PTPRN2: variants seen among roughly 807,000 people sequenced by gnomAD.
The protein encoded by PTPRN2 is protein tyrosine phosphatase receptor type N2.
A neutral mutation model predicts 118.8 loss-of-function variants in PTPRN2; 74 were observed. The ratio of observed to expected loss-of-function variants is 0.62; its 90% CI spans 0.52 to 0.76. PTPRN2 has a LOEUF of 0.76. Among genes scored for constraint, PTPRN2 ranks in the 30% least tolerant of loss-of-function variants. The pLI is 0.00. For missense variants in PTPRN2, 1,481 were observed against 1,394.4 expected (o/e 1.06, Z -0.99); for synonymous variants, 641 against 608.0 (o/e 1.05, Z -0.80).
In PTPRN2 at chr7:158,519,977, C is replaced by T. The variant is rs77948947; in HGVS notation, c.113-30192G>A. ...TGCAATGACTACTCTGCCAAACACA[C>T]AAGTTCTGAACAGGACATGTGCCAT... On this transcript the variant is annotated intron_variant, in intron 1 of 22. Transcript: ENST00000389418. Among the ~76,000 whole-genome samples, 2,307 of 152,352 alleles carry T rather than the reference C, an allele frequency of 0.015. 149 individuals are homozygous for T. The East Asian group carries it at 0.17, about 11-fold the overall frequency.
At chr7:158,468,575 G>GT (rs931763150) in intron 2 of PTPRN2, among the ~76,000 whole-genome samples, 3 of 152,102 alleles carry the variant, frequency 2.0e-5, no homozygotes, top group African/African-American at 7.2e-5. Context: ...GTTTCCAGGT[G>GT]TTACCACCGG....
intron 3 of PTPRN2, among the ~76,000 whole-genome samples, chr7:158,289,157 T>C (rs897117639): frequency 6.6e-6 from 1 of 152,232 alleles, no homozygotes; most frequent in Non-Finnish European, 1.5e-5. Flanking sequence ...ATAGTCTTAT[T>C]TGGATTCAAT....
intron 21 of PTPRN2, among the ~76,000 whole-genome samples, chr7:157,553,008 T>G (rs62475359): frequency 6.6e-6 from 1 of 152,218 alleles, no homozygotes; most frequent in East Asian, 1.9e-4. Context: ...CAATCAGTTA[T>G]GTTCTCTGAA....
At chr7:158,454,215 T>C (rs113765068) in intron 2 of PTPRN2, among the ~76,000 whole-genome samples, 577 of 102,486 alleles carry the variant, frequency 5.6e-3, no homozygotes, top group Middle Eastern at 0.026. Context: ...GGATTGGGGA[T>C]GGTTGCTACA....
chr7:158,358,919 T>C (rs1449865848), intron 2 of PTPRN2, among the ~76,000 whole-genome samples: 4 of 152,142 alleles, frequency 2.6e-5, no homozygotes, highest in African/African-American at 9.7e-5. Flanking sequence ...CCCTAAATGG[T>C]TAAAATGGTC....
At chr7:157,994,177 G>A (rs915449602) in intron 11 of PTPRN2, among the ~76,000 whole-genome samples, 6 of 152,142 alleles carry the variant, frequency 3.9e-5, no homozygotes, top group Non-Finnish European at 8.8e-5. Context: ...ATACTGGTCT[G>A]CTTCTAGAGG....
At chr7:157,897,061 C>T (rs1486946733) in intron 12 of PTPRN2, among the ~76,000 whole-genome samples, 1 of 152,136 alleles carries the variant, frequency 6.6e-6, no homozygotes, top group African/African-American at 2.4e-5. Flanking sequence ...GTCCCAGCCT[C>T]GACGCGTTCT....
intron 16 of PTPRN2, among the ~76,000 whole-genome samples, chr7:157,601,554 A>G (rs1801668060): frequency 6.6e-6 from 1 of 152,246 alleles, no homozygotes; most frequent in African/African-American, 2.4e-5. Context: ...CTGCCCAGTA[A>G]GGCCTGGAGA....
intron 2 of PTPRN2, among the ~76,000 whole-genome samples, chr7:158,480,453 T>C (rs1190204686): frequency 6.6e-6 from 1 of 152,166 alleles, no homozygotes; most frequent in Middle Eastern, 3.2e-3. Context: ...ATATTGAAAT[T>C]AGGCTAATTA....
At chr7:157,920,586 T>A (rs911434841) in intron 11 of PTPRN2, among the ~76,000 whole-genome samples, 1 of 152,222 alleles carries the variant, frequency 6.6e-6, no homozygotes, top group African/African-American at 2.4e-5. Context: ...TTGTGTTTTA[T>A]CAATACATTT....
chr7:158,386,944 A>G (rs1811432844), intron 2 of PTPRN2, among the ~76,000 whole-genome samples: 1 of 152,174 alleles, frequency 6.6e-6, no homozygotes, highest in South Asian at 2.1e-4. Flanking sequence ...ACGACTCCAC[A>G]CGGCCCGATC....
intron 2 of PTPRN2, among the ~76,000 whole-genome samples, chr7:158,330,794 C>T (rs1804216012): frequency 2.6e-5 from 3 of 115,718 alleles, no homozygotes; most frequent in South Asian, 3.4e-4. Flanking sequence ...CTCACACCCA[C>T]ACTCTCACCA....
rs76458127 is a variant in PTPRN2, at chr7:158,183,321, A to G, written c.549+9006T>C. Among the ~76,000 whole-genome samples the G allele has an allele frequency of 4.9e-3, 747 of 152,276 alleles. 7 individuals carry two copies. Among genetic ancestry groups the G allele is most frequent in the African/African-American group, 0.017 (715 of 41,550 alleles). ...TATTGAGATGTGAGATATTGTCCCAATCATCATGGAGACAGGAAGTGTGGC... is the reference window on the plus strand; with the variant it reads ...TATTGAGATGTGAGATATTGTCCCAGTCATCATGGAGACAGGAAGTGTGGC... On this transcript the variant is annotated intron_variant, in intron 5 of 22. Coordinates refer to ENST00000389418, the MANE Select transcript of PTPRN2 (RefSeq NM_002847.5).
At chr7:157,648,471 TCCA>T (rs1805295500) in intron 14 of PTPRN2, among the ~76,000 whole-genome samples, 1 of 107,644 alleles carries the variant, frequency 9.3e-6, no homozygotes, top group East Asian at 3.3e-4. Context: ...GTCGGACCCA[TCCA>T]GCGTGCACTG....
chr7:157,982,292 A>G (rs12112178), intron 11 of PTPRN2, among the ~76,000 whole-genome samples: 150 of 8,146 alleles, frequency 0.018, 3 homozygotes, highest in African/African-American at 0.029. Context: ...TGCAGAGTGC[A>G]GGGTCCCCCC....
At chr7:158,319,474 A>ACACAC (rs1256486494) in intron 2 of PTPRN2, among the ~76,000 whole-genome samples, 11 of 54,444 alleles carry the variant, frequency 2.0e-4, no homozygotes, top group African/African-American at 4.0e-4. Flanking sequence ...CCTCACACAC[A>ACACAC]AGCACAGCCT....
rs1586788467 is a variant in PTPRN2 at position 158,489,777 on chromosome 7, G to A, written c.121C>T (p.Leu41Phe). 2 of 1,579,450 alleles carry A rather than the reference G, an allele frequency of 1.3e-6. No homozygotes were observed. The highest frequency in any genetic ancestry group is 1.7e-6 in the Non-Finnish European group (2 of 1,163,594). Reference protein sequence around the residue: ...RQLPGRLGCLLEEGLCGASEA... With the variant: ...RQLPGRLGCLFEEGLCGASEA... ...GACGCTCCGCAGAGGCCCTCCTCGA[G>A]CAGGCAGCCTGCGGGGAAACAGAGA... Residue 41 changes from leucine (L) to phenylalanine (F), a missense_variant, in exon 2 of 23, where the codon CTC (leucine) becomes TTC (phenylalanine). This residue lies in a region of PTPRN2 where 1,115 missense variants were observed against 994.2 expected (regional missense o/e 1.12). Transcript: ENST00000389418.
intron 11 of PTPRN2, among the ~76,000 whole-genome samples, chr7:158,070,956 G>C (rs201695558): frequency 8.5e-6 from 1 of 117,814 alleles, no homozygotes; most frequent in African/African-American, 3.7e-5. Context: ...GCCCGTGGTG[G>C]TGGAGGTGCT....
Position 157,764,066 on chromosome 7 carries a change from T to A in PTPRN2, c.1789-81129A>T, listed in dbSNP as rs574797768. 6.6e-6 allele frequency among the ~76,000 whole-genome samples: 1 copy of A among 152,218 alleles called. No individual in the cohort carries two copies. The highest frequency in any genetic ancestry group is 1.9e-4 in the East Asian group (1 of 5,172). On this transcript the variant is annotated intron_variant, in intron 12 of 22. Transcript: ENST00000389418. This position sits in a 1 kb window ranked among gnomAD's most constrained non-coding sequence, Gnocchi z 4.5. Reference sequence around the variant, plus strand: ...ATGCACGCACCCTCTAGGATGGCCGTAACTAAACACACACACACAACAAAA... The same window carrying A: ...ATGCACGCACCCTCTAGGATGGCCGAAACTAAACACACACACACAACAAAA...
Sources: allele counts gnomAD v4.1 joint callset (sites outside exome capture counted in the v4.1 genomes callset), GRCh38; gene constraint gnomAD v4.1.1; regional missense constraint gnomAD v4.1.1; non-coding constraint Gnocchi (gnomAD v3.1); transcripts MANE v1.5; gene names NCBI Gene and HGNC (gene_info 2026-07-23, HGNC 2026-07-21).